Variants in DNAH12 observed in about 807,000 individuals in gnomAD.
DNAH12 encodes the protein dynein axonemal heavy chain 12.
Under a neutral mutation model 371.5 loss-of-function variants are expected in DNAH12, and 285 were observed. The ratio of observed to expected loss-of-function variants is 0.77; its 90% CI spans 0.70 to 0.85. DNAH12 has a LOEUF of 0.85. Among genes scored for constraint, DNAH12 ranks in the 40% least tolerant of loss-of-function variants. The pLI is 0.00. For synonymous variants in DNAH12, 1,200 were observed against 1,213.0 expected (o/e 0.99, Z 0.22); for missense variants, 3,611 against 3,689.4 (o/e 0.98, Z 0.55).
rs1344905865 is a variant in DNAH12, at chr3:57,419,380, T to G, written c.5701A>C (p.Ile1901Leu). 3 of 1,499,568 alleles carry G rather than the reference T, an allele frequency of 2.0e-6. No individual in the cohort carries two copies. Among genetic ancestry groups the G allele is most frequent in the Non-Finnish European group, 2.7e-6 (3 of 1,131,066 alleles). The allele number at this position is 1,499,568 out of a possible 1,614,324, so 92.9% of individuals were successfully genotyped here. The change falls in exon 37 of 74, where the codon ATT becomes CTT. Residue 1901 changes from isoleucine to leucine, a missense_variant. Around this residue, in one of 3 missense-constraint regions of DNAH12, gnomAD observed 2,266 missense variants for 2,236.9 expected, o/e 1.01. Coordinates refer to ENST00000495027, the MANE Select transcript of DNAH12 (RefSeq NM_001366028.2). ...IRYTFLMDLS[I>L]TYAKPLLFVG... ...AGAGTTCCTTACTTTGCATAGGTAA[T>G]ACTCAAATCCATTAGAAACGTATAT...
intron 60 of DNAH12, 67 bp downstream of exon 60, chr3:57,352,018 T>G (rs1361602645): frequency 7.1e-7 from 1 of 1,405,320 alleles, no homozygotes; most frequent in Non-Finnish European, 9.4e-7. Flanking sequence ...AGAAGACATA[T>G]TCACAGATTT....
chr3:57,537,938 C>T (rs559538846), intron 2 of DNAH12, among the ~76,000 whole-genome samples: 2 of 152,290 alleles, frequency 1.3e-5, no homozygotes, highest in African/African-American at 4.8e-5. Context: ...CCGCCTTGGC[C>T]TCCCAAAGTG....
chr3:57,304,049 C>T (rs980013617), intron 69 of DNAH12, among the ~76,000 whole-genome samples: 2 of 150,510 alleles, frequency 1.3e-5, no homozygotes, highest in African/African-American at 4.9e-5. Context: ...CCACTGAGCA[C>T]CTTGTGACCC....
At chr3:57,435,693 G>A (rs149582376) in intron 30 of DNAH12, among the ~76,000 whole-genome samples, 5 of 152,084 alleles carry the variant, frequency 3.3e-5, no homozygotes, top group Middle Eastern at 3.4e-3. Context: ...GTGGTGGTGC[G>A]CACCTGTAGT....
chr3:57,468,545 G>A, intron 17 of DNAH12, 191 bp downstream of exon 17: 1 of 289,154 alleles, frequency 3.5e-6, no homozygotes, highest in Non-Finnish European at 6.1e-6. Context: ...AGCCCAGGAG[G>A]TGGCAGTGGC....
chr3:57,383,958 C>T (rs2153344398), intron 49 of DNAH12, among the ~76,000 whole-genome samples: 1 of 152,100 alleles, frequency 6.6e-6, no homozygotes, highest in African/African-American at 2.4e-5. Context: ...TGCTGAATTA[C>T]CCACAGGTTG....
intron 29 of DNAH12, among the ~76,000 whole-genome samples, chr3:57,442,188 AAAGG>A (rs1376789887): frequency 1.3e-5 from 2 of 152,228 alleles, no homozygotes; most frequent in Admixed American, 1.3e-4. Flanking sequence ...CACAAATACT[AAAGG>A]AAGTTTTTTA....
In DNAH12 at chr3:57,323,116, T is replaced by C; in HGVS notation, c.10274A>G (p.His3425Arg). The change falls in exon 64 of 74, where the codon CAT (histidine) becomes CGT (arginine). Residue 3425 changes from histidine to arginine, a missense_variant. His to Arg is a conservative substitution (Grantham distance 29). Coordinates refer to ENST00000495027, the MANE Select transcript of DNAH12 (RefSeq NM_001366028.2). ...CATGGGCATCCAGGACACTGCAAGA[T>C]GGCAATTCTGTAGGCACACCCAAGT... ...EGTWVCLQNC[H>R]LAVSWMPMLE... 6.4e-7 allele frequency: 1 copy of C among 1,552,442 alleles called. No individual in the cohort carries two copies.
intron 13 of DNAH12, among the ~76,000 whole-genome samples, chr3:57,476,505 A>G (rs2066529913): frequency 6.6e-6 from 1 of 152,202 alleles, no homozygotes; most frequent in African/African-American, 2.4e-5. Flanking sequence ...CGGAGGTTGC[A>G]GTGAGCCAAA....
At chr3:57,488,057 T>C (rs1220897567) in intron 12 of DNAH12, among the ~76,000 whole-genome samples, 1 of 152,192 alleles carries the variant, frequency 6.6e-6, no homozygotes, top group Admixed American at 6.5e-5. Context: ...CTGACTGTCA[T>C]ATATTTGCTT....
chr3:57,489,546 T>G lies in DNAH12; in HGVS notation c.1477A>C (p.Asn493His). 1 of 1,521,822 alleles carries G rather than the reference T, an allele frequency of 6.6e-7. No individual in the cohort carries two copies. Among genetic ancestry groups the G allele is most frequent in the Non-Finnish European group, 8.8e-7 (1 of 1,139,098 alleles). The allele number at this position is 1,521,822 out of a possible 1,614,324, so 94.3% of individuals were successfully genotyped here. Residue 493 changes from asparagine to histidine, a missense_variant, in exon 12 of 74, where the codon AAT becomes CAT. This residue lies in a region of DNAH12 where 1,314 missense variants were observed against 1,398.7 expected (regional missense o/e 0.94). Coordinates refer to ENST00000495027, the MANE Select transcript of DNAH12 (RefSeq NM_001366028.2). ...TTTCTATATTTTGAAGCTATGTCAT[T>G]TAATAATATGTTTGCAAAGGCTTTT... Reference protein sequence around the residue: ...KAKAFANILLNDIASKYRKEN... With the variant: ...KAKAFANILLHDIASKYRKEN...
At position 57,523,821 on chromosome 3, in the gene DNAH12, T is replaced by C. The variant is rs748679733; in HGVS notation, c.234A>G (p.Pro78=). The change falls in exon 3 of 74, where the codon CCA becomes CCG. Residue 78 remains proline (P), a synonymous_variant. Coordinates refer to ENST00000495027, the MANE Select transcript of DNAH12 (RefSeq NM_001366028.2). ...TLGKRTPLLP[P]PDYPQTMTSE... Reference sequence around the variant, plus strand: ...AACTTACAGTTTGAGGATAATCAGGTGGTGGTAATAGAGGTGTTCTTTTAC... The same window carrying C: ...AACTTACAGTTTGAGGATAATCAGGCGGTGGTAATAGAGGTGTTCTTTTAC... 5 of 1,603,250 alleles carry C rather than the reference T, an allele frequency of 3.1e-6. No individual in the cohort carries two copies. Among genetic ancestry groups the C allele is most frequent in the Non-Finnish European group, 4.3e-6 (5 of 1,176,372 alleles).
chr3:57,373,918 G>C (rs1231875519), intron 55 of DNAH12, among the ~76,000 whole-genome samples: 1 of 152,162 alleles, frequency 6.6e-6, no homozygotes, highest in Non-Finnish European at 1.5e-5. Flanking sequence ...AAACAATACT[G>C]TCAATATAAA....
At chr3:57,332,676 C>T (rs144170896) in intron 62 of DNAH12, among the ~76,000 whole-genome samples, 3,601 of 152,230 alleles carry the variant, frequency 0.024, 65 homozygotes, top group Admixed American at 0.035. Flanking sequence ...ACTGTCCAGG[C>T]AGAGTTCAGA....
At chr3:57,479,207 A>T (rs911060422) in intron 13 of DNAH12, among the ~76,000 whole-genome samples, 5 of 152,194 alleles carry the variant, frequency 3.3e-5, no homozygotes, top group Admixed American at 3.3e-4. Context: ...CTAGGCTCAA[A>T]ATAAAGGGAT....
chr3:57,403,987 C>T (rs1292077760), intron 42 of DNAH12, among the ~76,000 whole-genome samples: 1 of 152,088 alleles, frequency 6.6e-6, no homozygotes, highest in Non-Finnish European at 1.5e-5. Context: ...TAAGCATCAG[C>T]AAAGGTGAAG....
chr3:57,420,964 T>C (rs1361614090), intron 36 of DNAH12, among the ~76,000 whole-genome samples: 1 of 150,350 alleles, frequency 6.7e-6, no homozygotes, highest in African/African-American at 2.5e-5. Context: ...TGTTACCACC[T>C]CTTTTTTCAC....
In DNAH12 at chr3:57,335,006, G is replaced by A. The variant is rs546781371; in HGVS notation, c.9675-66C>T. ...TTAAAATTGAATGATGTCAACTTCC[G>A]CTTTTGTAACCTGGATAGAACAACT... is the stretch of plus-strand genomic sequence containing the variant. On this transcript the variant is annotated intron_variant, in intron 60 of 73. Transcript: ENST00000495027. The A allele has an allele frequency of 5.9e-5, 87 of 1,478,908 alleles. 1 individual carries two copies. The highest frequency in any genetic ancestry group is 1.8e-4 in the Middle Eastern group (1 of 5,630). The allele number at this position is 1,478,908 out of a possible 1,614,324, so 91.6% of individuals were successfully genotyped here. A position where few individuals can be genotyped will look rare whatever the true frequency, so the allele number is the denominator to read the frequency against.
At chr3:57,432,738 TTA>T (rs1381083835) in intron 32 of DNAH12, among the ~76,000 whole-genome samples, 1 of 150,434 alleles carries the variant, frequency 6.6e-6, no homozygotes, top group Non-Finnish European at 1.5e-5. Context: ...AGAAGAGTGA[TTA>T]TCTCTGGAGG....
Sources: gnomAD v4.1 joint callset for allele counts (sites outside exome capture counted in the v4.1 genomes callset) on GRCh38, gnomAD v4.1.1 for gene constraint, gnomAD v4.1.1 regional missense constraint, MANE v1.5 for transcripts, NCBI Gene and HGNC (gene_info 2026-07-23, HGNC 2026-07-21) for gene names.